Variants in OSBP2 observed in about 807,000 individuals in gnomAD.
OSBP2 encodes the protein oxysterol-binding protein 2.
OSBP2 carries 66 observed loss-of-function variants against 96.0 expected under a neutral mutation model. That is an observed-to-expected ratio of 0.69 (90% confidence interval 0.56 to 0.84). The LOEUF is 0.84. Among genes scored for constraint, OSBP2 ranks in the 40% least tolerant of loss-of-function variants. OSBP2 has a pLI of 0.00. For missense variants in OSBP2, 1,038 were observed against 1,222.7 expected, an observed-to-expected ratio of 0.85 and a Z score of 2.25; for synonymous variants, 525 against 520.9, an observed-to-expected ratio of 1.01 and a Z score of -0.11.
intron 2 of OSBP2, among the ~76,000 whole-genome samples, chr22:30,836,674 G>A (rs2147019647): frequency 6.6e-6 from 1 of 152,318 alleles, no homozygotes; most frequent in African/African-American, 2.4e-5. Flanking sequence ...TGATGCAGGC[G>A]TGGTTCAGTG....
At chr22:30,757,248 C>T (rs1353694531) in intron 2 of OSBP2, among the ~76,000 whole-genome samples, 1 of 152,148 alleles carries the variant, frequency 6.6e-6, no homozygotes, top group Non-Finnish European at 1.5e-5. Flanking sequence ...ACCAGATCCA[C>T]AGCTGAGCCC....
intron 1 of OSBP2, among the ~76,000 whole-genome samples, chr22:30,717,993 T>C (rs2089490698): frequency 6.6e-6 from 1 of 152,178 alleles, no homozygotes; most frequent in Admixed American, 6.5e-5. Flanking sequence ...TTCTCTTGCT[T>C]GAGGGTCCGC....
intron 2 of OSBP2, among the ~76,000 whole-genome samples, chr22:30,825,421 G>A (rs549826919): frequency 6.6e-6 from 1 of 152,304 alleles, no homozygotes; most frequent in South Asian, 2.1e-4. Context: ...CACCTGGCAA[G>A]GTTGCTGGGA....
intron 1 of OSBP2, among the ~76,000 whole-genome samples, chr22:30,705,571 G>C (rs1383584363): frequency 1.3e-5 from 2 of 152,090 alleles, no homozygotes. Context: ...GGGATTACAG[G>C]GGTGAGCTAC....
chr22:30,771,107 CTTG>C (rs1358847673), intron 2 of OSBP2, among the ~76,000 whole-genome samples: 1 of 152,210 alleles, frequency 6.6e-6, no homozygotes, highest in Non-Finnish European at 1.5e-5. Flanking sequence ...CTTCCTGAGA[CTTG>C]GTCTCTTCCA....
At chr22:30,756,659 C>A (rs2090144363) in intron 2 of OSBP2, among the ~76,000 whole-genome samples, 1 of 152,144 alleles carries the variant, frequency 6.6e-6, no homozygotes, top group Admixed American at 6.5e-5. Flanking sequence ...TGCCGCTGCA[C>A]TCCAGCTTGG....
At chr22:30,846,241 G>A (rs1193228537) in intron 2 of OSBP2, among the ~76,000 whole-genome samples, 15 of 152,126 alleles carry the variant, frequency 9.9e-5, no homozygotes, top group African/African-American at 2.9e-4. Flanking sequence ...CTGCCTCCCA[G>A]GTTCAAGCAA....
rs1005158250 is a variant in OSBP2, at chr22:30,856,164, A to G, written c.854-14265A>G. On this transcript the variant is annotated intron_variant, in intron 2 of 13. Coordinates refer to ENST00000332585, the MANE Select transcript of OSBP2 (RefSeq NM_030758.4). Reference sequence around the variant, plus strand: ...TGGCCCCCACTCTAGCCCTGCTCTGAGATAAGGATCTTCTTTTCCTTCTTT... The same window carrying G: ...TGGCCCCCACTCTAGCCCTGCTCTGGGATAAGGATCTTCTTTTCCTTCTTT... 1.7e-4 allele frequency among the ~76,000 whole-genome samples: 26 copies of G among 152,232 alleles called. 4 individuals are homozygous for G. The highest frequency in any genetic ancestry group is 1.5e-3 in the Admixed American group (23 of 15,294).
upstream of OSBP2, chr22:30,694,026 C>T (rs200529884): frequency 7.1e-6 from 11 of 1,542,926 alleles, no homozygotes; most frequent in Non-Finnish European, 9.6e-6. Context: ...ATTCTGGGGT[C>T]ACAGCCTCCT....
Position 30,702,143 on chromosome 22 carries a change from C to T in OSBP2, c.644+6590C>T, listed in dbSNP as rs2089173836. ...ATTAGATGAAATTTCCAAGTCCTGCCTGTATATCTCCTCTAGCTCCTCCTC... is the reference window on the plus strand; with the variant it reads ...ATTAGATGAAATTTCCAAGTCCTGCTTGTATATCTCCTCTAGCTCCTCCTC... On this transcript the variant is annotated intron_variant, in intron 1 of 13. Transcript: ENST00000332585. Among the ~76,000 whole-genome samples, 3 of 152,158 alleles carry T rather than the reference C, an allele frequency of 2.0e-5. No individual in the cohort carries two copies. The South Asian group carries it at 6.2e-4, about 31-fold the overall frequency.
chr22:30,790,306 G>C (rs191193684), intron 2 of OSBP2, among the ~76,000 whole-genome samples: 11 of 152,214 alleles, frequency 7.2e-5, no homozygotes, highest in South Asian at 2.1e-4. Flanking sequence ...TTTAAGGAGG[G>C]GGGGGCGGGG....
At chr22:30,904,872 A>T (rs1167997322) in intron 12 of OSBP2, among the ~76,000 whole-genome samples, 1 of 152,182 alleles carries the variant, frequency 6.6e-6, no homozygotes, top group East Asian at 1.9e-4. Flanking sequence ...ACAGTAGCTG[A>T]TGCCTGTAAT....
intron 2 of OSBP2, among the ~76,000 whole-genome samples, chr22:30,829,073 T>C (rs1602324291): frequency 6.6e-6 from 1 of 152,182 alleles, no homozygotes; most frequent in Non-Finnish European, 1.5e-5. Flanking sequence ...GTGGAGGCGA[T>C]GGGGCTGGGA....
At position 30,787,931 on chromosome 22, in the gene OSBP2, A is replaced by G. The variant is rs527881858; in HGVS notation, c.853+46562A>G. On this transcript the variant is annotated intron_variant, in intron 2 of 13. Transcript: ENST00000332585. ...CCCGTGGGTCTTAGTGACAGACGGT[A>G]GTGTCGGAGGGTCTTGACAGTGGGA... 6.6e-5 allele frequency among the ~76,000 whole-genome samples: 10 copies of G among 152,274 alleles called. No homozygotes were observed. In the East Asian group the frequency reaches 1.7e-3, roughly 27 times the overall value.
intron 2 of OSBP2, chr22:30,822,517 A>G (rs536538299): frequency 1.5e-6 from 2 of 1,373,432 alleles, no homozygotes; most frequent in East Asian, 5.8e-5. Flanking sequence ...GGGACCCACG[A>G]GTGTCCGCCG....
intron 1 of OSBP2, among the ~76,000 whole-genome samples, chr22:30,716,909 T>C (rs1322122531): frequency 6.6e-6 from 1 of 152,196 alleles, no homozygotes; most frequent in Non-Finnish European, 1.5e-5. Context: ...ACTTAAGTTG[T>C]GTCCTTCGAT....
chr22:30,734,046 T>G (rs1401297212), intron 1 of OSBP2, among the ~76,000 whole-genome samples: 1 of 152,104 alleles, frequency 6.6e-6, no homozygotes, highest in Non-Finnish European at 1.5e-5. Context: ...GTGATCTCCA[T>G]TCACTGCAAC....
chr22:30,906,049 G>A lies in OSBP2; in HGVS notation c.2588G>A (p.Ser863Asn). ...RRRLEACGPG[S>N]SCSSEEEKEA... ...CGGCTGGAGGCCTGCGGGCCGGGCA[G>A]CAGCTGCAGCTCGGAGGAAGGTGAG... Residue 863 changes from serine (S) to asparagine (N), a missense_variant, in exon 13 of 14, where the codon AGC becomes AAC. Ser to Asn is a conservative substitution (Grantham distance 46). This residue lies in a region of OSBP2 where 737 missense variants were observed against 913.3 expected (regional missense o/e 0.81). Transcript: ENST00000332585. 1 of 1,563,952 alleles carries A rather than the reference G, an allele frequency of 6.4e-7. No homozygotes were observed. The highest frequency in any genetic ancestry group is 8.6e-7 in the Non-Finnish European group (1 of 1,156,654).
chr22:30,906,596 A>AC lies in OSBP2; in HGVS notation c.*261dup. ...CATTATGGACCTGGGCCCTACCGGAACCCCTGCCCCAGTTACCACAACTCA... is the reference window on the plus strand; with the variant it reads ...CATTATGGACCTGGGCCCTACCGGAACCCCCTGCCCCAGTTACCACAACTCA... On this transcript the variant is annotated 3_prime_UTR_variant, in exon 14 of 14. Transcript: ENST00000332585. 1 of 352,376 alleles carries AC rather than the reference A, an allele frequency of 2.8e-6. No homozygotes were observed. The allele number at this position is 352,376 out of a possible 1,614,324, so 21.8% of individuals were successfully genotyped here.
Sources: gnomAD v4.1 joint callset for allele counts (sites outside exome capture counted in the v4.1 genomes callset) on GRCh38, gnomAD v4.1.1 for gene constraint, gnomAD v4.1.1 regional missense constraint, MANE v1.5 for transcripts, NCBI Gene and HGNC (gene_info 2026-07-23, HGNC 2026-07-21) for gene names.